Variants in ARID1B observed in about 807,000 individuals in gnomAD.
ARID1B encodes the protein AT-rich interactive domain-containing protein 1B.
A neutral mutation model predicts 212.3 loss-of-function variants in ARID1B; 30 were observed. The observed-to-expected ratio is 0.14, with a 90% CI of 0.11 to 0.19. ARID1B has a LOEUF of 0.19. ARID1B is among the 10% of genes least tolerant of loss of function. The probability of loss-of-function intolerance (pLI) is 1.00; values close to 1 mark genes in which losing one functional copy is unlikely to be tolerated. For synonymous variants in ARID1B, 1,402 were observed against 1,301.7 expected, an observed-to-expected ratio of 1.08 and a Z score of -1.66; for missense variants, 2,891 against 3,204.0, an observed-to-expected ratio of 0.90 and a Z score of 2.36.
chr6:157,094,251 G>A lies in ARID1B; in HGVS notation c.2491+9346G>A, dbSNP rs1583295373. Among the ~76,000 whole-genome samples the A allele has an allele frequency of 6.6e-6, 1 of 152,190 alleles. No homozygotes were observed. The highest frequency in any genetic ancestry group is 1.5e-5 in the Non-Finnish European group (1 of 68,026). On this transcript the variant is annotated intron_variant, in intron 5 of 19. Transcript: ENST00000636930. The surrounding 1 kb of genome is among the most constrained non-coding windows in gnomAD (Gnocchi z 4.3). ...GGGCGGCGAACACCAGGAAATCAGT[G>A]TAGCCACAGCATAGTGGTCACGGGC... is the stretch of plus-strand genomic sequence containing the variant.
chr6:156,907,480 T>A (rs1422287895), intron 3 of ARID1B, among the ~76,000 whole-genome samples: 1 of 152,214 alleles, frequency 6.6e-6, no homozygotes, highest in African/African-American at 2.4e-5. Flanking sequence ...CATGATATAT[T>A]GTCTTTTTTA....
At chr6:156,878,123 G>A (rs1015350596) in intron 2 of ARID1B, among the ~76,000 whole-genome samples, 1 of 152,034 alleles carries the variant, frequency 6.6e-6, no homozygotes, top group African/African-American at 2.4e-5. Context: ...CTGCCAGCTG[G>A]GCGTCACGTT....
intron 9 of ARID1B, chr6:157,167,499 C>T (rs997643171): frequency 2.5e-5 from 5 of 199,378 alleles, no homozygotes; most frequent in African/African-American, 1.2e-4. Context: ...TTGGAAGATC[C>T]TCAAATTCTC....
chr6:156,846,990 C>T (rs2128099632), intron 2 of ARID1B, among the ~76,000 whole-genome samples: 1 of 152,266 alleles, frequency 6.6e-6, no homozygotes, highest in Non-Finnish European at 1.5e-5. Flanking sequence ...ATTTTTTTGA[C>T]CTTTCTTATC....
chr6:157,176,850 A>G (rs1218246610), intron 11 of ARID1B, among the ~76,000 whole-genome samples: 2 of 152,234 alleles, frequency 1.3e-5, no homozygotes, highest in Non-Finnish European at 2.9e-5. Flanking sequence ...CATTTCAAAA[A>G]AAAGATAATA....
chr6:156,806,990 C>A (rs1415597979), intron 1 of ARID1B, among the ~76,000 whole-genome samples: 1 of 152,132 alleles, frequency 6.6e-6, no homozygotes, highest in Non-Finnish European at 1.5e-5. Context: ...ATTTCTTTCC[C>A]CCAACCATTT....
intron 1 of ARID1B, among the ~76,000 whole-genome samples, chr6:156,792,596 A>G (rs1313766753): frequency 6.6e-6 from 1 of 152,230 alleles, no homozygotes; most frequent in Admixed American, 6.5e-5. Context: ...GTAGGCTGAT[A>G]GGACGAGATG....
chr6:156,783,272 AC>A (rs369078247), intron 1 of ARID1B, among the ~76,000 whole-genome samples: 97 of 152,032 alleles, frequency 6.4e-4, no homozygotes, highest in Middle Eastern at 6.8e-3. Context: ...AATATACTTA[AC>A]CTCTGAATGT....
chr6:156,999,617 T>C (rs1778796482), intron 4 of ARID1B, among the ~76,000 whole-genome samples: 1 of 152,184 alleles, frequency 6.6e-6, no homozygotes, highest in South Asian at 2.1e-4. Flanking sequence ...GGGTGGTCTG[T>C]TAGGAAGCGT....
chr6:156,866,564 A>G (rs1785709874), intron 2 of ARID1B, among the ~76,000 whole-genome samples: 1 of 152,210 alleles, frequency 6.6e-6, no homozygotes, highest in Non-Finnish European at 1.5e-5. Flanking sequence ...GCAAAAAGCA[A>G]ACAGTACTGC....
rs2128374558 is a variant in ARID1B at position 157,201,098 on chromosome 6, C to T, written c.4873C>T (p.Pro1625Ser). 1 of 1,614,226 alleles carries T rather than the reference C, an allele frequency of 6.2e-7. No individual in the cohort carries two copies. Among genetic ancestry groups the T allele is most frequent in the East Asian group, 2.2e-5 (1 of 44,884 alleles). ...GMNRTDDMMVPDQRINHESQW... is the reference protein window; with the variant it reads ...GMNRTDDMMVSDQRINHESQW... Reference sequence around the variant, plus strand: ...GAACCGCACAGACGATATGATGGTACCCGATCAGAGGATAAATCATGAGAG... The same window carrying T: ...GAACCGCACAGACGATATGATGGTATCCGATCAGAGGATAAATCATGAGAG... Residue 1625 changes from proline (P) to serine (S), a missense_variant, in exon 18 of 20, where the codon CCC (proline) becomes TCC (serine). By Grantham distance (74) the Pro-to-Ser change is moderately conservative. Transcript: ENST00000636930. This position sits in a 1 kb window ranked among gnomAD's most constrained non-coding sequence, Gnocchi z 5.2.
intron 1 of ARID1B, among the ~76,000 whole-genome samples, chr6:156,827,983 A>G (rs1259598564): frequency 6.6e-6 from 1 of 150,620 alleles, no homozygotes; most frequent in Non-Finnish European, 1.5e-5. Context: ...CTGGTCTCAA[A>G]TTCCTGACCT....
At chr6:156,922,102 T>A (rs1034840365) in intron 3 of ARID1B, among the ~76,000 whole-genome samples, 4 of 152,090 alleles carry the variant, frequency 2.6e-5, no homozygotes, top group Admixed American at 2.6e-4. Flanking sequence ...TCATGCCACT[T>A]GCAACCCCCC....
intron 2 of ARID1B, among the ~76,000 whole-genome samples, chr6:156,849,717 G>A (rs953376459): frequency 3.9e-5 from 6 of 152,068 alleles, no homozygotes; most frequent in Non-Finnish European, 7.3e-5. Flanking sequence ...GCTTTTCTGT[G>A]CTGGGGAGGA....
At chr6:157,155,714 T>A (rs1353440446) in intron 8 of ARID1B, among the ~76,000 whole-genome samples, 1 of 152,208 alleles carries the variant, frequency 6.6e-6, no homozygotes, top group African/African-American at 2.4e-5. Flanking sequence ...ATTAACAGGG[T>A]GAATAAATTC....
chr6:156,971,063 A>T (rs529678923), intron 4 of ARID1B, among the ~76,000 whole-genome samples: 1 of 152,328 alleles, frequency 6.6e-6, no homozygotes, highest in African/African-American at 2.4e-5. Context: ...TGAAGTTCAC[A>T]GTTGATGAAA....
chr6:157,084,204 C>T (rs1343641610), intron 4 of ARID1B, among the ~76,000 whole-genome samples: 1 of 148,874 alleles, frequency 6.7e-6, no homozygotes, highest in Non-Finnish European at 1.5e-5. Flanking sequence ...TATTACATTA[C>T]AATATCCTAG....
At position 157,044,122 on chromosome 6, in the gene ARID1B, T is replaced by C. The variant is rs533111030; in HGVS notation, c.2248-40540T>C. Among the ~76,000 whole-genome samples the C allele has an allele frequency of 9.2e-5, 14 of 152,360 alleles. No homozygotes were observed. In the East Asian group the frequency reaches 1.2e-3, roughly 13 times the overall value. On this transcript the variant is annotated intron_variant, in intron 4 of 19. Coordinates refer to ENST00000636930, the MANE Select transcript of ARID1B (RefSeq NM_001374828.1). Reference sequence around the variant, plus strand: ...GTTTGGATATAATTGTATGCTTTTCTGTTGTTTAATTGTCTTAATTGAATC... The same window carrying C: ...GTTTGGATATAATTGTATGCTTTTCCGTTGTTTAATTGTCTTAATTGAATC...
At position 157,167,088 on chromosome 6, in the gene ARID1B, C is replaced by T. The variant is rs1425631949; in HGVS notation, c.3138C>T (p.Ser1046=). Residue 1046 remains serine, a synonymous_variant, in exon 9 of 20, where the codon AGC becomes AGT. Coordinates refer to ENST00000636930, the MANE Select transcript of ARID1B (RefSeq NM_001374828.1). ...GMNQSGLMAS[S]SPYSQPMNNS... is the part of the protein sequence containing the mutation. Reference sequence around the variant, plus strand: ...ACCAGAGTGGACTTATGGCTTCCAGCTCTCCCTACAGCCAGCCCATGAACA... The same window carrying T: ...ACCAGAGTGGACTTATGGCTTCCAGTTCTCCCTACAGCCAGCCCATGAACA... 1 of 1,612,648 alleles carries T rather than the reference C, an allele frequency of 6.2e-7. No homozygotes were observed. The highest frequency in any genetic ancestry group is 8.5e-7 in the Non-Finnish European group (1 of 1,180,034).
Sources: gnomAD v4.1 joint callset for allele counts (sites outside exome capture counted in the v4.1 genomes callset) on GRCh38, gnomAD v4.1.1 for gene constraint, Gnocchi (gnomAD v3.1) non-coding constraint, MANE v1.5 for transcripts, NCBI Gene and HGNC (gene_info 2026-07-23, HGNC 2026-07-21) for gene names.